Variants in GPC5 observed in about 807,000 individuals in gnomAD.
GPC5 encodes glypican 5.
In GPC5, 47 loss-of-function variants were observed where a neutral mutation model predicts 53.9. That is an observed-to-expected ratio of 0.87 (90% confidence interval 0.69 to 1.11). The LOEUF (loss-of-function observed/expected upper bound fraction) is 1.11, where lower values mean the gene tolerates loss of function less well. GPC5 is among the 50% of genes most tolerant of loss of function. The pLI is 0.00. For synonymous variants in GPC5, 286 were observed against 263.3 expected, an observed-to-expected ratio of 1.09 and a Z score of -0.84; for missense variants, 748 against 713.1, an observed-to-expected ratio of 1.05 and a Z score of -0.56.
rs115506852 is a variant in GPC5 at position 91,602,186 on chromosome 13, G to A, written c.326-91001G>A. ...ATCTTTGTGTGTCCAGCACCGTTCCGGGCTTTGCGAGCACCTGACACAGAT... is the reference window on the plus strand; with the variant it reads ...ATCTTTGTGTGTCCAGCACCGTTCCAGGCTTTGCGAGCACCTGACACAGAT... On this transcript the variant is annotated intron_variant, in intron 2 of 7. Transcript: ENST00000377067. 9.8e-3 allele frequency among the ~76,000 whole-genome samples: 1,491 copies of A among 152,278 alleles called. 30 individuals carry two copies. Among genetic ancestry groups the A allele is most frequent in the African/African-American group, 0.033 (1,386 of 41,556 alleles).
intron 7 of GPC5, among the ~76,000 whole-genome samples, chr13:92,192,467 G>T (rs1452319545): frequency 1.3e-5 from 2 of 152,008 alleles, no homozygotes; most frequent in African/African-American, 4.8e-5. Context: ...TTATGGACTA[G>T]GTTTAGTAAG....
intron 6 of GPC5, among the ~76,000 whole-genome samples, chr13:91,928,306 C>T (rs1215457580): frequency 6.6e-6 from 1 of 152,220 alleles, no homozygotes; most frequent in East Asian, 1.9e-4. Context: ...TCTCTACCTG[C>T]TCTCACATAG....
chr13:92,729,785 AT>A (rs150365852), intron 7 of GPC5, among the ~76,000 whole-genome samples: 1,935 of 150,298 alleles, frequency 0.013, 51 homozygotes, highest in African/African-American at 0.044. Flanking sequence ...TTATCCTGCA[AT>A]TTTTTTTTAC....
chr13:92,031,752 T>TA (rs1566403212), intron 6 of GPC5, among the ~76,000 whole-genome samples: 1 of 43,758 alleles, frequency 2.3e-5, no homozygotes, highest in African/African-American at 1.3e-4. Flanking sequence ...ATAATATATA[T>TA]TATATTACAT....
At chr13:92,163,233 G>A (rs1321408468) in intron 7 of GPC5, among the ~76,000 whole-genome samples, 1 of 152,030 alleles carries the variant, frequency 6.6e-6, no homozygotes, top group African/African-American at 2.4e-5. Context: ...AGTCCGAGGT[G>A]GGCGGATCAC....
intron 7 of GPC5, among the ~76,000 whole-genome samples, chr13:92,559,440 A>G (rs1882621367): frequency 6.6e-6 from 1 of 150,944 alleles, no homozygotes; most frequent in African/African-American, 2.4e-5. Flanking sequence ...AATCCTTTCT[A>G]AGGAGAGACT....
intron 6 of GPC5, among the ~76,000 whole-genome samples, chr13:92,006,296 G>C (rs1187056497): frequency 2.0e-5 from 3 of 152,112 alleles, no homozygotes; most frequent in Non-Finnish European, 4.4e-5. Context: ...TAAATATACA[G>C]AAATATATGT....
chr13:91,487,240 C>A (rs1170381068), intron 2 of GPC5, among the ~76,000 whole-genome samples: 1 of 152,142 alleles, frequency 6.6e-6, no homozygotes, highest in African/African-American at 2.4e-5. Flanking sequence ...CTTATATACT[C>A]TTCTTCACGG....
chr13:92,501,234 T>C (rs1235935342), intron 7 of GPC5, among the ~76,000 whole-genome samples: 1 of 152,098 alleles, frequency 6.6e-6, no homozygotes, highest in Non-Finnish European at 1.5e-5. Flanking sequence ...AAAAATGTAT[T>C]GCAGGAATGA....
At chr13:92,119,384 A>ATTTTAGTT (rs1180008494) in intron 6 of GPC5, among the ~76,000 whole-genome samples, 1 of 107,818 alleles carries the variant, frequency 9.3e-6, no homozygotes, top group African/African-American at 3.6e-5. Flanking sequence ...TCACATTAGG[A>ATTTTAGTT]TTTTAGTTTT....
At chr13:92,475,001 G>T (rs528149004) in intron 7 of GPC5, among the ~76,000 whole-genome samples, 2 of 152,062 alleles carry the variant, frequency 1.3e-5, no homozygotes, top group Non-Finnish European at 2.9e-5. Context: ...TGAAGGAAAT[G>T]AGTACAATTA....
intron 7 of GPC5, among the ~76,000 whole-genome samples, chr13:92,196,255 C>T (rs990699130): frequency 4.0e-5 from 6 of 151,898 alleles, no homozygotes; most frequent in African/African-American, 1.5e-4. Flanking sequence ...ATCAATTTTA[C>T]AGCCATTTAT....
chr13:92,711,626 G>A (rs1888143245), intron 7 of GPC5, among the ~76,000 whole-genome samples: 2 of 151,964 alleles, frequency 1.3e-5, no homozygotes, highest in African/African-American at 2.4e-5. Flanking sequence ...TTCCAAAACA[G>A]TAGAACACAT....
chr13:91,865,832 A>G (rs2039077361), intron 5 of GPC5, among the ~76,000 whole-genome samples: 1 of 151,896 alleles, frequency 6.6e-6, no homozygotes, highest in African/African-American at 2.4e-5. Context: ...TCTACTACTT[A>G]GATGTCACAT....
intron 5 of GPC5, among the ~76,000 whole-genome samples, chr13:91,839,612 A>C (rs1245298476): frequency 6.6e-6 from 1 of 152,138 alleles, no homozygotes; most frequent in Non-Finnish European, 1.5e-5. Context: ...AGAGAAAATA[A>C]GCTGGTTCAA....
chr13:91,573,722 T>G (rs1266372610), intron 2 of GPC5, among the ~76,000 whole-genome samples: 1 of 152,186 alleles, frequency 6.6e-6, no homozygotes, highest in Non-Finnish European at 1.5e-5. Flanking sequence ...TAAAAGCATT[T>G]TACAGTCTTG....
intron 5 of GPC5, among the ~76,000 whole-genome samples, chr13:91,791,858 G>A (rs774383658): frequency 2.6e-5 from 4 of 152,082 alleles, no homozygotes; most frequent in East Asian, 1.9e-4. Context: ...TTAAAATAGG[G>A]TGATATAAAA....
At position 92,187,667 on chromosome 13, in the gene GPC5, C is replaced by T. The variant is rs567755908; in HGVS notation, c.1561+42678C>T. On this transcript the variant is annotated intron_variant, in intron 7 of 7. Coordinates refer to ENST00000377067, the MANE Select transcript of GPC5 (RefSeq NM_004466.6). ...TCTAGAAAGAAGCTGGGCTTTAGAA[C>T]ATTTTATTTGAAATAATGAGACACA... Among the ~76,000 whole-genome samples, 33 of 152,240 alleles carry T rather than the reference C, an allele frequency of 2.2e-4. No individual in the cohort carries two copies. The South Asian group carries it at 6.8e-3, about 32-fold the overall frequency.
At chr13:91,665,456 A>G (rs1284927362) in intron 2 of GPC5, among the ~76,000 whole-genome samples, 1 of 152,106 alleles carries the variant, frequency 6.6e-6, no homozygotes, top group Non-Finnish European at 1.5e-5. Context: ...TTGAACTACA[A>G]GTGGTAAGAC....
Sources: allele counts gnomAD v4.1 joint callset (sites outside exome capture counted in the v4.1 genomes callset), GRCh38; gene constraint gnomAD v4.1.1; transcripts MANE v1.5; gene names NCBI Gene and HGNC (gene_info 2026-07-23, HGNC 2026-07-21).